The following CPB1 variants were observed in gnomAD, a reference collection of about 807,000 sequenced individuals.
CPB1 encodes the protein carboxypeptidase B.
CPB1 carries 53 observed loss-of-function variants against 51.4 expected under a neutral mutation model. The observed-to-expected ratio is 1.03, with a 90% CI of 0.83 to 1.30. The LOEUF is 1.30. Ranked by LOEUF, CPB1 falls within the 50% of genes most tolerant of loss-of-function variation. CPB1 has a pLI of 0.00. For synonymous variants in CPB1, 189 were observed against 186.9 expected, an observed-to-expected ratio of 1.01 and a Z score of -0.09; for missense variants, 494 against 516.2, an observed-to-expected ratio of 0.96 and a Z score of 0.42.
At chr3:148,850,581 C>T (rs1042373290) in intron 9 of CPB1, among the ~76,000 whole-genome samples, 4 of 152,126 alleles carry the variant, frequency 2.6e-5, no homozygotes, top group Non-Finnish European at 2.9e-5. Flanking sequence ...GGAGCCACCG[C>T]GCCCGTCTTA....
chr3:148,845,052 TTAAA>T (rs969835991), intron 8 of CPB1, among the ~76,000 whole-genome samples: 52 of 152,240 alleles, frequency 3.4e-4, no homozygotes, highest in African/African-American at 1.2e-3. Flanking sequence ...GAGACAGCTA[TTAAA>T]TAAATAATTA....
intron 2 of CPB1, among the ~76,000 whole-genome samples, chr3:148,831,326 A>G (rs1243094104): frequency 2.0e-5 from 3 of 152,210 alleles, no homozygotes; most frequent in Admixed American, 2.0e-4. Flanking sequence ...TGTACCAGTA[A>G]GTTCCTCACT....
At chr3:148,846,813 A>G (rs369460226) in intron 9 of CPB1, among the ~76,000 whole-genome samples, 7,178 of 96,712 alleles carry the variant, frequency 0.074, 805 homozygotes, top group Non-Finnish European at 0.094. Flanking sequence ...ATATATATAT[A>G]TATATATATA....
chr3:148,852,279 C>G (rs1347974737), intron 9 of CPB1, among the ~76,000 whole-genome samples: 1 of 152,002 alleles, frequency 6.6e-6, no homozygotes, highest in African/African-American at 2.4e-5. Context: ...TAATTTTGCC[C>G]CCCACTCCCA....
At chr3:148,847,116 G>A (rs574017152) in intron 9 of CPB1, among the ~76,000 whole-genome samples, 2 of 150,698 alleles carry the variant, frequency 1.3e-5, no homozygotes, top group East Asian at 3.9e-4. Flanking sequence ...AACACATTAA[G>A]GGTAGCAATA....
intron 9 of CPB1, among the ~76,000 whole-genome samples, chr3:148,846,458 G>T (rs1048251093): frequency 6.6e-6 from 1 of 151,614 alleles, no homozygotes; most frequent in African/African-American, 2.4e-5. Flanking sequence ...AAAAAAAAAT[G>T]TATTCCATTT....
chr3:148,858,481 AG>A (rs1352544034), intron 10 of CPB1, among the ~76,000 whole-genome samples: 2 of 151,992 alleles, frequency 1.3e-5, no homozygotes, highest in African/African-American at 4.8e-5. Context: ...CTGAGGCAGG[AG>A]AATCGTTTGA....
At position 148,834,485 on chromosome 3, in the gene CPB1, G is replaced by A. The variant is rs1159602470; in HGVS notation, c.148-13G>A. The stretch of plus-strand genomic sequence containing the variant: ...GAATTATAGGTATCCAATATATCTT[G>A]TCCTTTATTCAGATTGACTTCTGGA... On this transcript the variant is annotated splice_polypyrimidine_tract_variant and intron_variant, in intron 2 of 10. Coordinates refer to ENST00000282957, the MANE Select transcript of CPB1 (RefSeq NM_001871.3). 1.2e-6 allele frequency: 2 copies of A among 1,611,616 alleles called. No individual in the cohort carries two copies. Among genetic ancestry groups the A allele is most frequent in the Admixed American group, 1.7e-5 (1 of 59,980 alleles).
At chr3:148,831,002 T>G (rs1400262248) in intron 2 of CPB1, among the ~76,000 whole-genome samples, 1 of 152,206 alleles carries the variant, frequency 6.6e-6, no homozygotes, top group Non-Finnish European at 1.5e-5. Flanking sequence ...GTCTTTGTAT[T>G]CATCCTTGGC....
At chr3:148,832,070 C>G (rs1166951993) in intron 2 of CPB1, among the ~76,000 whole-genome samples, 1 of 152,076 alleles carries the variant, frequency 6.6e-6, no homozygotes, top group Non-Finnish European at 1.5e-5. Flanking sequence ...CTGGTTTTCT[C>G]CATGTCAAAC....
intron 2 of CPB1, among the ~76,000 whole-genome samples, chr3:148,830,414 G>A (rs1472519052): frequency 6.6e-6 from 1 of 151,962 alleles, no homozygotes; most frequent in Non-Finnish European, 1.5e-5. Flanking sequence ...AGTCAAACTT[G>A]GACACCTCTC....
chr3:148,839,632 G>A (rs545116849), intron 3 of CPB1, among the ~76,000 whole-genome samples: 6 of 152,112 alleles, frequency 3.9e-5, no homozygotes, highest in Non-Finnish European at 5.9e-5. Context: ...ACACAAGTTC[G>A]TACCCAAGTT....
intron 10 of CPB1, 69 bp downstream of exon 10, chr3:148,857,610 C>A: frequency 1.8e-6 from 2 of 1,137,818 alleles, no homozygotes; most frequent in South Asian, 1.4e-5. Flanking sequence ...TTCCTGGGGC[C>A]TTTCTTTTCT....
chr3:148,857,727 C>T, intron 10 of CPB1, 186 bp downstream of exon 10: 1 of 480,326 alleles, frequency 2.1e-6, no homozygotes, highest in South Asian at 3.2e-5. Context: ...GACAACATAG[C>T]AAACTTTTCT....
chr3:148,855,778 G>A (rs1255091830), intron 9 of CPB1: 1 of 152,130 alleles, frequency 6.6e-6, no homozygotes, highest in African/African-American at 2.4e-5. Flanking sequence ...AACCAGGGAA[G>A]GAATAAGAAT....
intron 9 of CPB1, among the ~76,000 whole-genome samples, chr3:148,853,387 G>C (rs1297065291): frequency 6.6e-6 from 1 of 152,140 alleles, no homozygotes; most frequent in East Asian, 1.9e-4. Context: ...CAGTGGAAAA[G>C]AATATCCTCT....
At chr3:148,847,752 A>G (rs1422663614) in intron 9 of CPB1, among the ~76,000 whole-genome samples, 1 of 152,148 alleles carries the variant, frequency 6.6e-6, no homozygotes, top group Non-Finnish European at 1.5e-5. Context: ...CCACAAAATA[A>G]TCTTATCTTG....
At position 148,845,565 on chromosome 3, in the gene CPB1, C is replaced by T; in HGVS notation, c.920C>T (p.Ser307Phe). ...IKAYLTIHSY[S>F]QMMIYPYSYA... The stretch of plus-strand genomic sequence containing the variant: ...GCATATCTGACAATCCACTCGTACT[C>T]CCAAATGATGATCTACCCTTACTCA... Residue 307 changes from serine (S) to phenylalanine (F), a missense_variant, in exon 9 of 11, where the codon TCC (serine) becomes TTC (phenylalanine). Ser to Phe is a radical substitution (Grantham distance 155). Transcript: ENST00000282957. 6.2e-7 allele frequency: 1 copy of T among 1,613,916 alleles called. No homozygotes were observed. Among genetic ancestry groups the T allele is most frequent in the Admixed American group, 1.7e-5 (1 of 59,992 alleles).
At position 148,844,540 on chromosome 3, in the gene CPB1, T is replaced by C. The variant is rs757379478; in HGVS notation, c.639T>C (p.Tyr213=). 3.1e-6 allele frequency: 5 copies of C among 1,613,988 alleles called. No individual in the cohort carries two copies. Among genetic ancestry groups the C allele is most frequent in the African/African-American group, 2.7e-5 (2 of 75,052 alleles). Residue 213 remains tyrosine, a synonymous_variant, in exon 7 of 11, where the codon TAT becomes TAC. Coordinates refer to ENST00000282957, the MANE Select transcript of CPB1 (RefSeq NM_001871.3). ...VTELLDKLDF[Y]VLPVLNIDGY... is the part of the protein sequence containing the mutation. The stretch of plus-strand genomic sequence containing the variant: ...AGCTTCTCGACAAGTTAGACTTTTA[T>C]GTCCTGCCTGTGCTCAATATTGATG...
Sources: gnomAD v4.1 joint callset for allele counts (sites outside exome capture counted in the v4.1 genomes callset) on GRCh38, gnomAD v4.1.1 for gene constraint, MANE v1.5 for transcripts, NCBI Gene and HGNC (gene_info 2026-07-23, HGNC 2026-07-21) for gene names.